The following ABCB4 variants were observed in gnomAD, a reference collection of about 807,000 sequenced individuals.
The protein encoded by ABCB4 is phosphatidylcholine translocator ABCB4.
ABCB4 carries 76 observed loss-of-function variants against 145.7 expected under a neutral mutation model. The observed-to-expected ratio is 0.52, with a 90% confidence interval of 0.43 to 0.63. The LOEUF (loss-of-function observed/expected upper bound fraction) is 0.63, where lower values mean the gene tolerates loss of function less well. Ranked by LOEUF, ABCB4 falls within the 30% of genes least tolerant of loss-of-function variation. The probability of loss-of-function intolerance (pLI) is 0.00; values close to 1 mark genes in which losing one functional copy is unlikely to be tolerated. For missense variants in ABCB4, 1,234 were observed against 1,553.1 expected (o/e 0.79, Z 3.45); for synonymous variants, 517 against 566.8 (o/e 0.91, Z 1.25).
chr7:87,390,655 A>T, the ABCB4 span, among the ~76,000 whole-genome samples: 1 of 152,186 alleles, frequency 6.6e-6, no homozygotes, highest in South Asian at 2.1e-4. Flanking sequence ...AGAGAGTTTT[A>T]TACCTAAAAT....
chr7:87,422,281 T>C, intron 17 of ABCB4, 56 bp from the exon 18 acceptor site: 1 of 1,336,904 alleles, frequency 7.5e-7, no homozygotes, highest in East Asian at 2.4e-5. Flanking sequence ...CCTTCTTCAT[T>C]CCTCTCATAA....
intron 8 of ABCB4, among the ~76,000 whole-genome samples, chr7:87,447,800 G>C (rs1051373273): frequency 6.6e-5 from 10 of 152,130 alleles, no homozygotes; most frequent in Non-Finnish European, 8.8e-5. Context: ...ACTACTTATG[G>C]AATATGAGTT....
chr7:87,412,118 G>C, intron 22 of ABCB4, 85 bp from the exon 23 acceptor site: 1 of 1,517,220 alleles, frequency 6.6e-7, no homozygotes, highest in Non-Finnish European at 9.1e-7. Context: ...TTCTAAGTCT[G>C]GCCGAGTGGG....
At chr7:87,432,814 T>C (rs1467681873) in intron 14 of ABCB4, among the ~76,000 whole-genome samples, 1 of 152,176 alleles carries the variant, frequency 6.6e-6, no homozygotes, top group Non-Finnish European at 1.5e-5. Flanking sequence ...CTTGTGAATA[T>C]TCTAAAAACC....
At chr7:87,459,428 C>T (rs1402158577) in intron 4 of ABCB4, among the ~76,000 whole-genome samples, 2 of 152,074 alleles carry the variant, frequency 1.3e-5, no homozygotes. Flanking sequence ...TTTCATTTAG[C>T]GTCATGTCCT....
chr7:87,438,659 G>T (rs969167218), intron 14 of ABCB4, among the ~76,000 whole-genome samples: 5 of 152,150 alleles, frequency 3.3e-5, no homozygotes, highest in Non-Finnish European at 7.4e-5. Flanking sequence ...TGAGGTGGAA[G>T]GATGGCTTGA....
chr7:87,427,881 GT>G, intron 15 of ABCB4, among the ~76,000 whole-genome samples: 1 of 152,172 alleles, frequency 6.6e-6, no homozygotes, highest in East Asian at 1.9e-4. Context: ...TACTGAATCA[GT>G]TTTATACCAT....
chr7:87,454,440 A>G lies in ABCB4; in HGVS notation c.344+95T>C, dbSNP rs1433339976. The G allele has an allele frequency of 7.0e-6, 7 of 1,001,486 alleles. No homozygotes were observed. The Admixed American group carries it at 9.6e-5, about 14-fold the overall frequency. 62.0% of individuals were successfully genotyped at this position (1,001,486 alleles called of 1,614,324 possible). Reference sequence around the variant, plus strand: ...ATGATAATAATAGGTGAATCTGGGTAAAGAGTACACGTTATTTGTATATTC... The same window carrying G: ...ATGATAATAATAGGTGAATCTGGGTGAAGAGTACACGTTATTTGTATATTC... On this transcript the variant is annotated intron_variant, in intron 5 of 27. Coordinates refer to ENST00000649586, the MANE Select transcript of ABCB4 (RefSeq NM_000443.4).
chr7:87,376,175 T>TATTTAAAAATAAATACTTTA, the ABCB4 span, among the ~76,000 whole-genome samples: 6 of 152,216 alleles, frequency 3.9e-5, no homozygotes, highest in East Asian at 9.6e-4. Context: ...TTATACTTTG[T>TATTTAAAAATAAATACTTTA]TTAAAGAAGT....
chr7:87,427,377 G>C (rs1020776466), intron 15 of ABCB4, among the ~76,000 whole-genome samples: 29 of 152,126 alleles, frequency 1.9e-4, no homozygotes, highest in Admixed American at 3.9e-4. Context: ...GACTGGCTGA[G>C]TATGGTCATC....
At chr7:87,475,237 G>C in intron 2 of ABCB4, 149 bp downstream of exon 2, 2 of 902,442 alleles carry the variant, frequency 2.2e-6, no homozygotes, top group East Asian at 5.1e-5. Flanking sequence ...TTGCTCCAAG[G>C]TCAGAACCGG....
intron 3 of ABCB4, among the ~76,000 whole-genome samples, chr7:87,471,630 A>G (rs45564638): frequency 0.043 from 6,545 of 152,316 alleles, 443 homozygotes; most frequent in African/African-American, 0.15. Context: ...TTCAGCTGAC[A>G]TGACACTTAA....
chr7:87,450,014 T>C lies in ABCB4; in HGVS notation c.787A>G (p.Ile263Val), dbSNP rs45547936. The change falls in exon 8 of 28, where the codon ATC (isoleucine) becomes GTC (valine). Residue 263 changes from isoleucine (I) to valine (V), a missense_variant. Physicochemically the swap from Ile to Val is conservative, Grantham distance 29. Coordinates refer to ENST00000649586, the MANE Select transcript of ABCB4 (RefSeq NM_000443.4). Reference protein sequence around the residue: ...GAVAEEALGAIRTVIAFGGQN... With the variant: ...GAVAEEALGAVRTVIAFGGQN... ...CCCCCGAAAGCTATCACAGTCCTGA[T>C]GGCCCCCAGAGCCTCTTCTGCCACG... is the stretch of plus-strand genomic sequence containing the variant. 1.2e-6 allele frequency: 2 copies of C among 1,614,168 alleles called. No individual in the cohort carries two copies. Among genetic ancestry groups the C allele is most frequent in the East Asian group, 2.2e-5 (1 of 44,886 alleles).
chr7:87,423,788 G>T, intron 17 of ABCB4, 118 bp downstream of exon 17: 1 of 1,273,986 alleles, frequency 7.8e-7, no homozygotes, highest in Non-Finnish European at 1.1e-6. Flanking sequence ...TAAGGACTTT[G>T]GCTTAGTTTA....
chr7:87,417,460 C>G lies in ABCB4; in HGVS notation c.2534G>C (p.Gly845Ala), dbSNP rs749391307. 1 of 1,614,128 alleles carries G rather than the reference C, an allele frequency of 6.2e-7. No individual in the cohort carries two copies. Among genetic ancestry groups the G allele is most frequent in the South Asian group, 1.1e-5 (1 of 91,080 alleles). ...IAQNIANLGT[G>A]IIISFIYGWQ... is the part of the protein sequence containing the mutation. ...ACCGTAGATAAATGATATGATAATACCAGTTCCAAGGTTAGCTATATTCTG... is the reference window on the plus strand; with the variant it reads ...ACCGTAGATAAATGATATGATAATAGCAGTTCCAAGGTTAGCTATATTCTG... The change falls in exon 21 of 28, where the codon GGT becomes GCT. Residue 845 changes from glycine (G) to alanine (A), a missense_variant. Transcript: ENST00000649586.
At chr7:87,472,312 A>G (rs1813481706) in intron 3 of ABCB4, among the ~76,000 whole-genome samples, 1 of 152,106 alleles carries the variant, frequency 6.6e-6, no homozygotes, top group South Asian at 2.1e-4. Flanking sequence ...TCAGACTCCT[A>G]AGACCCTCCT....
At chr7:87,391,543 G>A in the ABCB4 span, 1 of 1,556,182 alleles carries the variant, frequency 6.4e-7, no homozygotes, top group Non-Finnish European at 8.7e-7. Flanking sequence ...AATGATATTA[G>A]AGCATTTTCT....
the ABCB4 span, among the ~76,000 whole-genome samples, chr7:87,386,570 T>G: frequency 6.6e-6 from 1 of 152,186 alleles, no homozygotes; most frequent in Non-Finnish European, 1.5e-5. Context: ...TACCTACAGA[T>G]TTGTCAATAT....
the ABCB4 span, among the ~76,000 whole-genome samples, chr7:87,373,868 AGAC>A: frequency 6.6e-6 from 1 of 152,106 alleles, no homozygotes; most frequent in African/African-American, 2.4e-5. Context: ...TGACGTATGG[AGAC>A]GACAATGGGA....
Sources: allele counts gnomAD v4.1 joint callset (sites outside exome capture counted in the v4.1 genomes callset), GRCh38; gene constraint gnomAD v4.1.1; transcripts MANE v1.5; gene names NCBI Gene and HGNC (gene_info 2026-07-23, HGNC 2026-07-21).